The following SHISA4 variants were observed in gnomAD, a reference collection of about 807,000 sequenced individuals.
SHISA4 encodes the protein shisa family member 4, also known as protein shisa-4.
A neutral mutation model predicts 24.2 loss-of-function variants in SHISA4; 16 were observed. That is an observed-to-expected ratio of 0.66 (90% CI 0.45 to 1.00). The LOEUF is 1.00. Ranked by LOEUF, SHISA4 falls within the 50% of genes least tolerant of loss-of-function variation. SHISA4 has a pLI of 0.00. For missense variants in SHISA4, 238 were observed against 258.9 expected, an observed-to-expected ratio of 0.92 and a Z score of 0.55; for synonymous variants, 106 against 105.4, an observed-to-expected ratio of 1.01 and a Z score of -0.04.
At position 201,892,044 on chromosome 1, in the gene SHISA4, G is replaced by T. The variant is rs553974867; in HGVS notation, c.*198G>T. 4 of 624,914 alleles carry T rather than the reference G, an allele frequency of 6.4e-6. No homozygotes were observed. Among genetic ancestry groups the T allele is most frequent in the South Asian group, 1.9e-5 (1 of 52,528 alleles). 38.7% of individuals were successfully genotyped at this position (624,914 alleles called of 1,614,324 possible). Reference sequence around the variant, plus strand: ...GCTGAACTAGAACTATGAGGGGTTGGGGGGAGGGCTTGGAATTATGGGCTA... The same window carrying T: ...GCTGAACTAGAACTATGAGGGGTTGTGGGGAGGGCTTGGAATTATGGGCTA... On this transcript the variant is annotated 3_prime_UTR_variant, in exon 5 of 5. Coordinates refer to ENST00000362011, the MANE Select transcript of SHISA4 (RefSeq NM_198149.3).
intron 2 of SHISA4, among the ~76,000 whole-genome samples, chr1:201,889,924 C>G (rs911615828): frequency 5.3e-5 from 8 of 152,078 alleles, no homozygotes; most frequent in Non-Finnish European, 2.9e-5. Context: ...AACACCCGGA[C>G]GACAGTGTAG....
At chr1:201,891,167 A>T (rs1681089504) in intron 3 of SHISA4, among the ~76,000 whole-genome samples, 1 of 152,136 alleles carries the variant, frequency 6.6e-6, no homozygotes, top group Non-Finnish European at 1.5e-5. Flanking sequence ...CTGGTTCATG[A>T]GGTCTCTGAA....
chr1:201,892,579 T>C lies in SHISA4; in HGVS notation c.*733T>C, dbSNP rs76442452. On this transcript the variant is annotated 3_prime_UTR_variant, in exon 5 of 5. Coordinates refer to ENST00000362011, the MANE Select transcript of SHISA4 (RefSeq NM_198149.3). ...ATTCCCTGCTAGGGATCAACAGCTC[T>C]ACAACAGCTGAGGCACTGCTAACTG... Among the ~76,000 whole-genome samples, 2,057 of 152,304 alleles carry C rather than the reference T, an allele frequency of 0.014. 39 individuals are homozygous for C. Among genetic ancestry groups the C allele is most frequent in the African/African-American group, 0.044 (1,832 of 41,568 alleles).
At position 201,889,010 on chromosome 1, in the gene SHISA4, C is replaced by T. The variant is rs759973471; in HGVS notation, c.16C>T (p.Leu6Phe). The T allele has an allele frequency of 2.2e-6, 3 of 1,381,802 alleles. No individual in the cohort carries two copies. Among genetic ancestry groups the T allele is most frequent in the Non-Finnish European group, 1.9e-6 (2 of 1,067,542 alleles). The allele number at this position is 1,381,802 out of a possible 1,614,324, so 85.6% of individuals were successfully genotyped here. A position where few individuals can be genotyped will look rare whatever the true frequency, so the allele number is the denominator to read the frequency against. Residue 6 changes from leucine to phenylalanine, a missense_variant, in exon 1 of 5, where the codon CTC becomes TTC. Coordinates refer to ENST00000362011, the MANE Select transcript of SHISA4 (RefSeq NM_198149.3). MPPAGLRRAAPLTAIA... is the reference protein window; with the variant it reads MPPAGFRRAAPLTAIA... ...AGCCCCCACCATGCCACCCGCGGGG[C>T]TCCGCCGGGCCGCGCCGCTCACCGC...
In SHISA4 at chr1:201,890,555, G is replaced by A. The variant is rs367890261; in HGVS notation, c.347G>A (p.Arg116His). ...CFLCSCCYLY[R>H]RRQQLQSPFE... ...CTCTGTTCCTGTTGCTACCTGTACCGCCGGCGCCAGCAGCTCCAGAGCCCA... is the reference window on the plus strand; with the variant it reads ...CTCTGTTCCTGTTGCTACCTGTACCACCGGCGCCAGCAGCTCCAGAGCCCA... Residue 116 changes from arginine to histidine, a missense_variant, in exon 3 of 5, where the codon CGC becomes CAC. Coordinates refer to ENST00000362011, the MANE Select transcript of SHISA4 (RefSeq NM_198149.3). 2.7e-5 allele frequency: 43 copies of A among 1,614,052 alleles called. No homozygotes were observed. Among genetic ancestry groups the A allele is most frequent in the African/African-American group, 8.0e-5 (6 of 74,908 alleles).
chr1:201,889,017 G>C lies in SHISA4; in HGVS notation c.23G>C (p.Arg8Pro). 2 of 1,379,692 alleles carry C rather than the reference G, an allele frequency of 1.4e-6. No homozygotes were observed. The highest frequency in any genetic ancestry group is 1.9e-6 in the Non-Finnish European group (2 of 1,066,762). 85.5% of individuals were successfully genotyped at this position (1,379,692 alleles called of 1,614,324 possible). The change falls in exon 1 of 5, where the codon CGG (arginine) becomes CCG (proline). Residue 8 changes from arginine to proline, a missense_variant. Physicochemically the swap from Arg to Pro is moderately radical, Grantham distance 103 (BLOSUM62 -2). Transcript: ENST00000362011. Reference sequence around the variant, plus strand: ...ACCATGCCACCCGCGGGGCTCCGCCGGGCCGCGCCGCTCACCGCAATCGCT... The same window carrying C: ...ACCATGCCACCCGCGGGGCTCCGCCCGGCCGCGCCGCTCACCGCAATCGCT... Reference protein sequence around the residue: MPPAGLRRAAPLTAIALL... With the variant: MPPAGLRPAAPLTAIALL...
In SHISA4 at chr1:201,889,512, C is replaced by G. The variant is rs777325415; in HGVS notation, c.141C>G (p.Cys47Trp). The G allele has an allele frequency of 1.2e-6, 2 of 1,614,032 alleles. No individual in the cohort carries two copies. The highest frequency in any genetic ancestry group is 1.7e-6 in the Non-Finnish European group (2 of 1,180,020). The change falls in exon 2 of 5, where the codon TGC (cysteine) becomes TGG (tryptophan). Residue 47 changes from cysteine (C) to tryptophan (W), a missense_variant. Physicochemically the swap from Cys to Trp is radical, Grantham distance 215. Coordinates refer to ENST00000362011, the MANE Select transcript of SHISA4 (RefSeq NM_198149.3). The stretch of plus-strand genomic sequence containing the variant: ...GCTCCTGGCATCCGGGGTTTAACTG[C>G]GAGTTCTTCACCTTCTGCTGCGGGA... ...RNGSWHPGFNCEFFTFCCGTC... is the reference protein window; with the variant it reads ...RNGSWHPGFNWEFFTFCCGTC...
chr1:201,890,384 TG>T, intron 2 of SHISA4, 69 bp from the exon 3 acceptor site: 8 of 1,572,792 alleles, frequency 5.1e-6, no homozygotes, highest in Non-Finnish European at 6.9e-6. Context: ...GGCCAGGAGT[TG>T]GAGCCAGCAT....
In SHISA4 at chr1:201,892,033, A is replaced by G; in HGVS notation, c.*187A>G. 1.6e-6 allele frequency: 1 copy of G among 639,144 alleles called. No homozygotes were observed. The highest frequency in any genetic ancestry group is 3.4e-4 in the Middle Eastern group (1 of 2,980). The allele number at this position is 639,144 out of a possible 1,614,324, so 39.6% of individuals were successfully genotyped here. ...GTGGAACAGGAGCTGAACTAGAACT[A>G]TGAGGGGTTGGGGGGAGGGCTTGGA... On this transcript the variant is annotated 3_prime_UTR_variant, in exon 5 of 5. Coordinates refer to ENST00000362011, the MANE Select transcript of SHISA4 (RefSeq NM_198149.3).
chr1:201,889,645 C>A, intron 2 of SHISA4, 29 bp downstream of exon 2: 3 of 1,609,730 alleles, frequency 1.9e-6, no homozygotes, highest in Non-Finnish European at 2.5e-6. Flanking sequence ...ACCCTCACCA[C>A]CTCCTCTATC....
rs749639135 is a variant in SHISA4, at chr1:201,890,431, G to C, written c.246-23G>C. 6 of 1,613,282 alleles carry C rather than the reference G, an allele frequency of 3.7e-6. No homozygotes were observed. The Admixed American group carries it at 6.7e-5, about 18-fold the overall frequency. On this transcript the variant is annotated intron_variant, in intron 2 of 4. Coordinates refer to ENST00000362011, the MANE Select transcript of SHISA4 (RefSeq NM_198149.3). ...CCGTCCTATGAGTGTTGGAAGGTGA[G>C]AGGACCTGTTCTTTGTCTAAAGCCC...
At chr1:201,890,677 T>C in intron 3 of SHISA4, 90 bp downstream of exon 3, 1 of 1,517,124 alleles carries the variant, frequency 6.6e-7, no homozygotes, top group Non-Finnish European at 8.9e-7. Flanking sequence ...GGGTAAATTC[T>C]GTAGTAGTAT....
intron 1 of SHISA4, 88 bp downstream of exon 1, chr1:201,889,155 C>T (rs913984310): frequency 4.1e-6 from 5 of 1,223,002 alleles, no homozygotes; most frequent in South Asian, 1.6e-5. Context: ...CTCGGGGCTT[C>T]TCCGAGACCC....
Position 201,891,985 on chromosome 1 carries a change from A to G in SHISA4, c.*139A>G, listed in dbSNP as rs1681109665. 1 of 949,270 alleles carries G rather than the reference A, an allele frequency of 1.1e-6. No homozygotes were observed. Among genetic ancestry groups the G allele is most frequent in the Admixed American group, 1.9e-5 (1 of 52,986 alleles). 58.8% of individuals were successfully genotyped at this position (949,270 alleles called of 1,614,324 possible). A position where few individuals can be genotyped will look rare whatever the true frequency, so the allele number is the denominator to read the frequency against. On this transcript the variant is annotated 3_prime_UTR_variant, in exon 5 of 5. Coordinates refer to ENST00000362011, the MANE Select transcript of SHISA4 (RefSeq NM_198149.3). Reference sequence around the variant, plus strand: ...CAGACCAAGCCAAGCCCTGGGCCCTACTGGGGACAGAGCCCCAGGGAAGTG... The same window carrying G: ...CAGACCAAGCCAAGCCCTGGGCCCTGCTGGGGACAGAGCCCCAGGGAAGTG...
At chr1:201,891,212 T>C (rs1665310871) in intron 3 of SHISA4, among the ~76,000 whole-genome samples, 189 bp from the exon 4 acceptor site, 1 of 152,166 alleles carries the variant, frequency 6.6e-6, no homozygotes, top group Non-Finnish European at 1.5e-5. Flanking sequence ...TCAACACAGA[T>C]TGACCAGCTG....
chr1:201,889,018 G>T lies in SHISA4; in HGVS notation c.24G>T (p.Arg8=). ...CCATGCCACCCGCGGGGCTCCGCCGGGCCGCGCCGCTCACCGCAATCGCTC... is the reference window on the plus strand; with the variant it reads ...CCATGCCACCCGCGGGGCTCCGCCGTGCCGCGCCGCTCACCGCAATCGCTC... MPPAGLR[R]AAPLTAIALL... Residue 8 remains arginine (R), a synonymous_variant, in exon 1 of 5, where the codon CGG becomes CGT. Transcript: ENST00000362011. 7.2e-7 allele frequency: 1 copy of T among 1,382,788 alleles called. No homozygotes were observed. Among genetic ancestry groups the T allele is most frequent in the Non-Finnish European group, 9.4e-7 (1 of 1,068,506 alleles). 85.7% of individuals were successfully genotyped at this position (1,382,788 alleles called of 1,614,324 possible).
At chr1:201,891,618 C>T (rs374984112) in intron 4 of SHISA4, 50 bp downstream of exon 4, 3 of 1,568,786 alleles carry the variant, frequency 1.9e-6, no homozygotes, top group Non-Finnish European at 2.6e-6. Context: ...CCACCCCTTG[C>T]CCTGCGACCT....
chr1:201,890,314 A>C, intron 2 of SHISA4, 140 bp from the exon 3 acceptor site: 1 of 1,103,702 alleles, frequency 9.1e-7, no homozygotes, highest in Non-Finnish European at 1.3e-6. Context: ...TCTCCTTCAC[A>C]GGGACTGGGC....
In SHISA4 at chr1:201,891,612, C is replaced by T. The variant is rs878959607; in HGVS notation, c.547+44C>T. On this transcript the variant is annotated intron_variant, in intron 4 of 4. Transcript: ENST00000362011. ...GCCCCTTGCTGCTGCCTTCCCCCAC[C>T]CCTTGCCCTGCGACCTCCCCTGTGC... 5 of 1,580,728 alleles carry T rather than the reference C, an allele frequency of 3.2e-6. No individual in the cohort carries two copies. In the South Asian group the frequency reaches 5.8e-5, roughly 18 times the overall value.
Sources: gnomAD v4.1 joint callset for allele counts (sites outside exome capture counted in the v4.1 genomes callset) on GRCh38, gnomAD v4.1.1 for gene constraint, MANE v1.5 for transcripts, NCBI Gene and HGNC (gene_info 2026-07-23, HGNC 2026-07-21) for gene names.